The following DHRSX variants were observed in gnomAD, a reference collection of about 807,000 sequenced individuals.
DHRSX encodes the protein polyprenol dehydrogenase.
A neutral mutation model predicts 34.0 loss-of-function variants in DHRSX; 31 were observed. That is an observed-to-expected ratio of 0.91 (90% CI 0.69 to 1.23). The LOEUF (loss-of-function observed/expected upper bound fraction) is 1.23, where lower values mean the gene tolerates loss of function less well. Among genes scored for constraint, DHRSX ranks in the 50% most tolerant of loss-of-function variants. The probability of loss-of-function intolerance (pLI) is 0.00; values close to 1 mark genes in which losing one functional copy is unlikely to be tolerated. For missense variants in DHRSX, 414 were observed against 428.1 expected (o/e 0.97, Z 0.29); for synonymous variants, 201 against 183.8 (o/e 1.09, Z -0.76).
At chrX:2,465,748 G>A (rs979628345) in intron 1 of DHRSX, among the ~76,000 whole-genome samples, 4 of 149,200 alleles carry the variant, frequency 2.7e-5, no homozygotes, top group African/African-American at 1.0e-4. Flanking sequence ...GATGATGGCT[G>A]CAGTGAGCCC....
chrX:2,382,984 T>G (rs866699764), intron 3 of DHRSX, among the ~76,000 whole-genome samples: 1 of 148,066 alleles, frequency 6.8e-6, no homozygotes, highest in Non-Finnish European at 1.5e-5. Context: ...ATCACCATCA[T>G]CAGCAGCATC....
At chrX:2,390,998 A>C (rs1192673164) in intron 3 of DHRSX, among the ~76,000 whole-genome samples, 2 of 152,056 alleles carry the variant, frequency 1.3e-5, no homozygotes, top group Non-Finnish European at 2.9e-5. Flanking sequence ...TTCCTTTTTT[A>C]TGGCTGCGTA....
chrX:2,491,412 T>G (rs1420243491), intron 1 of DHRSX, among the ~76,000 whole-genome samples: 1 of 152,150 alleles, frequency 6.6e-6, no homozygotes, highest in Non-Finnish European at 1.5e-5. Context: ...GTTCCTGTCC[T>G]AAGAGTTTCC....
intron 4 of DHRSX, among the ~76,000 whole-genome samples, chrX:2,276,546 C>T (rs1300755532): frequency 1.3e-5 from 2 of 152,132 alleles, no homozygotes; most frequent in African/African-American, 2.4e-5. Context: ...ATACAATTAT[C>T]GTTCATTGGT....
intron 3 of DHRSX, among the ~76,000 whole-genome samples, chrX:2,327,168 C>T (rs1005688483): frequency 6.6e-6 from 1 of 152,184 alleles, no homozygotes; most frequent in African/African-American, 2.4e-5. Flanking sequence ...GTGACGCTGG[C>T]GGCCATGTAC....
chrX:2,231,609 A>G, intron 6 of DHRSX, among the ~76,000 whole-genome samples: 1 of 38,626 alleles, frequency 2.6e-5, no homozygotes, highest in Admixed American at 2.2e-4. Context: ...TTTTTCCCTT[A>G]TTCTCCTTTC....
rs1213815113 is a variant in DHRSX at position 2,220,760 on chromosome X, T to G, written c.*281A>C. 2.5e-5 allele frequency: 11 copies of G among 436,182 alleles called. No homozygotes were observed. The highest frequency in any genetic ancestry group is 1.4e-4 in the East Asian group (4 of 29,206). 27.0% of individuals were successfully genotyped at this position (436,182 alleles called of 1,614,324 possible). On this transcript the variant is annotated 3_prime_UTR_variant, in exon 7 of 7. Transcript: ENST00000334651. ...TTAACGCGGCAAGGAAAATGGCACA[T>G]TTATGTTGGAAAATGTAATTATTTA...
At chrX:2,328,277 A>G (rs973959193) in intron 3 of DHRSX, among the ~76,000 whole-genome samples, 1 of 151,658 alleles carries the variant, frequency 6.6e-6, no homozygotes, top group Non-Finnish European at 1.5e-5. Flanking sequence ...CACCCAGTCT[A>G]TGGTATTCTG....
chrX:2,273,210 TA>T (rs1255165371), intron 4 of DHRSX, among the ~76,000 whole-genome samples: 2 of 151,946 alleles, frequency 1.3e-5, no homozygotes, highest in Non-Finnish European at 2.9e-5. Flanking sequence ...AATAAATCAA[TA>T]AAATAAAATA....
intron 5 of DHRSX, among the ~76,000 whole-genome samples, chrX:2,248,432 C>CAAA (rs574631590): frequency 2.7e-5 from 3 of 111,076 alleles, no homozygotes; most frequent in Admixed American, 1.0e-4. Context: ...GACTCTGTCT[C>CAAA]AAAAAAAAAA....
intron 3 of DHRSX, among the ~76,000 whole-genome samples, chrX:2,375,822 G>A (rs749216456): frequency 3.7e-5 from 5 of 136,196 alleles, no homozygotes; most frequent in African/African-American, 1.2e-4. Context: ...TAGTAGAGAC[G>A]GGGTTTCACC....
intron 3 of DHRSX, among the ~76,000 whole-genome samples, chrX:2,361,570 T>C (rs2042934693): frequency 6.6e-6 from 1 of 152,140 alleles, no homozygotes. Context: ...TTGGTATTAA[T>C]GATTGAATTT....
intron 1 of DHRSX, among the ~76,000 whole-genome samples, chrX:2,472,495 G>A (rs1423448398): frequency 6.6e-6 from 1 of 152,004 alleles, no homozygotes; most frequent in Non-Finnish European, 1.5e-5. Context: ...TAAAAAGTAG[G>A]CCAGGAGCAG....
chrX:2,396,801 G>GT (rs2043417990), intron 3 of DHRSX, among the ~76,000 whole-genome samples: 1 of 122,918 alleles, frequency 8.1e-6, no homozygotes, highest in African/African-American at 3.2e-5. Flanking sequence ...TTTCACTCTT[G>GT]TTGCCCAGGC....
intron 3 of DHRSX, among the ~76,000 whole-genome samples, chrX:2,319,695 A>G (rs1243648240): frequency 2.0e-5 from 3 of 151,936 alleles, no homozygotes; most frequent in African/African-American, 7.3e-5. Flanking sequence ...AATCGACTCT[A>G]TGTTATGAAT....
intron 3 of DHRSX, among the ~76,000 whole-genome samples, chrX:2,362,939 TATGGTATC>T (rs2042951913): frequency 9.1e-6 from 1 of 109,580 alleles, no homozygotes. Flanking sequence ...ATCACCGTTC[TATGGTATC>T]ATGCCATTTT....
chrX:2,430,631 T>C (rs1272385143), intron 1 of DHRSX, among the ~76,000 whole-genome samples: 1 of 152,112 alleles, frequency 6.6e-6, no homozygotes. Context: ...TCCTCCACTC[T>C]TCTGCCAGCG....
intron 1 of DHRSX, among the ~76,000 whole-genome samples, chrX:2,463,359 G>C (rs2044429915): frequency 6.6e-6 from 1 of 152,112 alleles, no homozygotes; most frequent in South Asian, 2.1e-4. Flanking sequence ...AAAGGTGCAC[G>C]AAGGCAGTGA....
chrX:2,483,257 T>TATC (rs2044801650), intron 1 of DHRSX, among the ~76,000 whole-genome samples: 1 of 120,700 alleles, frequency 8.3e-6, no homozygotes, highest in Admixed American at 9.6e-5. Context: ...GGCTAATTTT[T>TATC]ATTATTATTA....
Sources: allele counts gnomAD v4.1 joint callset (sites outside exome capture counted in the v4.1 genomes callset), GRCh38; gene constraint gnomAD v4.1.1; transcripts MANE v1.5; gene names NCBI Gene and HGNC (gene_info 2026-07-23, HGNC 2026-07-21).